Variants in AGBL4 observed in about 807,000 individuals in gnomAD.
The protein encoded by AGBL4 is AGBL carboxypeptidase 4.
Under a neutral mutation model 66.4 loss-of-function variants are expected in AGBL4, and 58 were observed. That is an observed-to-expected ratio of 0.87 (90% CI 0.71 to 1.09). The LOEUF (loss-of-function observed/expected upper bound fraction) is 1.09, where lower values mean the gene tolerates loss of function less well. AGBL4 is among the 50% of genes least tolerant of loss of function. The pLI is 0.00. For missense variants in AGBL4, 579 were observed against 631.0 expected, an observed-to-expected ratio of 0.92 and a Z score of 0.88; for synonymous variants, 234 against 222.9, an observed-to-expected ratio of 1.05 and a Z score of -0.44.
intron 1 of AGBL4, among the ~76,000 whole-genome samples, chr1:49,983,923 C>T (rs1032832974): frequency 3.9e-5 from 6 of 152,148 alleles, no homozygotes; most frequent in East Asian, 1.9e-4. Context: ...CCAGCCATGA[C>T]GGGACAGGTC....
At chr1:49,987,145 T>C (rs1659564422) in intron 1 of AGBL4, among the ~76,000 whole-genome samples, 1 of 152,192 alleles carries the variant, frequency 6.6e-6, no homozygotes, top group Middle Eastern at 3.4e-3. Context: ...CTGCCAACTA[T>C]ATTTAATGCT....
At chr1:49,909,609 C>T (rs986771251) in intron 1 of AGBL4, among the ~76,000 whole-genome samples, 16 of 151,992 alleles carry the variant, frequency 1.1e-4, no homozygotes, top group Non-Finnish European at 2.9e-5. Flanking sequence ...TCATGAAGGA[C>T]CTTAAGGATC....
At chr1:49,458,220 A>G (rs2148693434) in intron 3 of AGBL4, among the ~76,000 whole-genome samples, 1 of 151,486 alleles carries the variant, frequency 6.6e-6, no homozygotes, top group East Asian at 2.0e-4. Context: ...GTCATCTATG[A>G]CTTTTTTCAG....
chr1:49,799,834 A>G (rs1488408086), intron 2 of AGBL4, among the ~76,000 whole-genome samples: 1 of 149,744 alleles, frequency 6.7e-6, no homozygotes, highest in African/African-American at 2.4e-5. Flanking sequence ...AATGATGTCC[A>G]TATGTTTGCC....
At chr1:49,928,341 C>A (rs918057221) in intron 1 of AGBL4, among the ~76,000 whole-genome samples, 12 of 152,212 alleles carry the variant, frequency 7.9e-5, no homozygotes, top group African/African-American at 2.9e-4. Context: ...ACCTCTGCCA[C>A]CCGGGTTCAA....
intron 7 of AGBL4, 21 bp downstream of exon 7, chr1:48,663,131 C>T (rs1313422054): frequency 4.3e-6 from 7 of 1,613,044 alleles, no homozygotes; most frequent in Middle Eastern, 1.7e-4. Flanking sequence ...TATAGGATAC[C>T]TATGAGATCC....
intron 4 of AGBL4, among the ~76,000 whole-genome samples, chr1:49,122,862 T>C (rs1052426453): frequency 6.6e-6 from 1 of 152,122 alleles, no homozygotes; most frequent in Admixed American, 6.6e-5. Flanking sequence ...TGTTTGTTTT[T>C]GTTTTTTCTG....
intron 3 of AGBL4, among the ~76,000 whole-genome samples, chr1:49,563,118 A>G (rs368502626): frequency 6.6e-6 from 1 of 151,690 alleles, no homozygotes; most frequent in Non-Finnish European, 1.5e-5. Flanking sequence ...TTTGTCTGTT[A>G]TTGGTGTATA....
intron 2 of AGBL4, among the ~76,000 whole-genome samples, chr1:49,802,430 T>C (rs569011738): frequency 1.3e-4 from 20 of 152,204 alleles, no homozygotes; most frequent in Non-Finnish European, 2.6e-4. Flanking sequence ...TAACCAGCTT[T>C]TGCTGCAACT....
At chr1:48,749,834 A>G (rs556288085) in intron 6 of AGBL4, among the ~76,000 whole-genome samples, 2 of 152,350 alleles carry the variant, frequency 1.3e-5, no homozygotes, top group South Asian at 4.1e-4. Context: ...GGGTATGTGC[A>G]GAACGCCCTG....
At chr1:49,938,035 G>GA (rs1343529331) in intron 1 of AGBL4, among the ~76,000 whole-genome samples, 2 of 148,898 alleles carry the variant, frequency 1.3e-5, no homozygotes, top group Admixed American at 6.7e-5. Context: ...AAAAGCCCTT[G>GA]AAAAAATTAA....
At chr1:49,560,272 GAGAC>G (rs1353793926) in intron 3 of AGBL4, among the ~76,000 whole-genome samples, 33 of 152,160 alleles carry the variant, frequency 2.2e-4, no homozygotes, top group African/African-American at 7.7e-4. Context: ...ACTAAATAAA[GAGAC>G]AGAGATAATT....
At chr1:49,441,198 G>A (rs1444152659) in intron 3 of AGBL4, among the ~76,000 whole-genome samples, 1 of 152,124 alleles carries the variant, frequency 6.6e-6, no homozygotes, top group Non-Finnish European at 1.5e-5. Flanking sequence ...TGCTACACTC[G>A]AAAATAAATG....
chr1:49,780,305 T>C (rs1644305244), intron 2 of AGBL4, among the ~76,000 whole-genome samples: 1 of 152,026 alleles, frequency 6.6e-6, no homozygotes, highest in East Asian at 1.9e-4. Context: ...TTATAATACA[T>C]ACAAAGGTAA....
chr1:49,389,582 A>T (rs918902633), intron 3 of AGBL4, among the ~76,000 whole-genome samples: 5 of 152,072 alleles, frequency 3.3e-5, no homozygotes, highest in African/African-American at 1.2e-4. Flanking sequence ...GCCTGAACTA[A>T]GCTGGTTTCC....
chr1:49,810,922 C>T (rs1645086645), intron 2 of AGBL4, among the ~76,000 whole-genome samples: 1 of 152,138 alleles, frequency 6.6e-6, no homozygotes, highest in Non-Finnish European at 1.5e-5. Flanking sequence ...TCATGGCAGC[C>T]TGAACTAAGA....
chr1:49,831,293 G>C (rs1571664051), intron 2 of AGBL4, among the ~76,000 whole-genome samples: 2 of 152,074 alleles, frequency 1.3e-5, no homozygotes, highest in Non-Finnish European at 1.5e-5. Context: ...TTGAGCAGTG[G>C]TTTGTAGTTC....
intron 6 of AGBL4, among the ~76,000 whole-genome samples, chr1:48,748,509 G>A (rs1042495724): frequency 6.6e-6 from 1 of 152,226 alleles, no homozygotes. Flanking sequence ...AGAAGCAAAG[G>A]AGGGGGTGCT....
At chr1:49,549,240 G>C (rs1490366761) in intron 3 of AGBL4, among the ~76,000 whole-genome samples, 1 of 150,824 alleles carries the variant, frequency 6.6e-6, no homozygotes, top group Non-Finnish European at 1.5e-5. Context: ...CAAAGAACCA[G>C]CTTTTTATCT....
Sources: allele counts gnomAD v4.1 joint callset (sites outside exome capture counted in the v4.1 genomes callset), GRCh38; gene constraint gnomAD v4.1.1; transcripts MANE v1.5; gene names NCBI Gene and HGNC (gene_info 2026-07-23, HGNC 2026-07-21).